LRFN3: variants seen among roughly 807,000 people sequenced by gnomAD.
LRFN3 encodes the protein leucine rich repeat and fibronectin type III domain containing 3.
LRFN3 carries 8 observed loss-of-function variants against 23.8 expected under a neutral mutation model. The ratio of observed to expected loss-of-function variants is 0.34; its 90% CI spans 0.20 to 0.61. LRFN3 has a LOEUF of 0.61. Ranked by LOEUF, LRFN3 falls within the 20% of genes least tolerant of loss-of-function variation. The probability of loss-of-function intolerance (pLI) is 0.80; values close to 1 mark genes in which losing one functional copy is unlikely to be tolerated. For missense variants in LRFN3, 736 were observed against 935.3 expected, an observed-to-expected ratio of 0.79 and a Z score of 2.78; for synonymous variants, 451 against 450.6, an observed-to-expected ratio of 1.00 and a Z score of -0.01.
At position 35,936,865 on chromosome 19, in the gene LRFN3, G is replaced by A. The variant is rs1976063661; in HGVS notation, c.-707G>A. 6.6e-6 allele frequency: 1 copy of A among 152,118 alleles called. No homozygotes were observed. The highest frequency in any genetic ancestry group is 1.5e-5 in the Non-Finnish European group (1 of 68,048). The allele number at this position is 152,118 out of a possible 1,614,324, so 9.4% of individuals were successfully genotyped here. The stretch of plus-strand genomic sequence containing the variant: ...GCCTGAACCCCAGTATATGGGGCTG[G>A]AATCTCAACATCGGTCACTGGGACC... On this transcript the variant is annotated 5_prime_UTR_variant, in exon 1 of 3. Coordinates refer to ENST00000246529, the MANE Select transcript of LRFN3 (RefSeq NM_024509.2).
chr19:35,942,103 C>T (rs1486658166), intron 2 of LRFN3, among the ~76,000 whole-genome samples: 1 of 151,150 alleles, frequency 6.6e-6, no homozygotes, highest in Non-Finnish European at 1.5e-5. Flanking sequence ...AGGATGGTCT[C>T]GATCTCCTGA....
rs899129865 is a variant in LRFN3 at position 35,944,054 on chromosome 19, G to A, written c.1416-494G>A. Among the ~76,000 whole-genome samples the A allele has an allele frequency of 6.6e-6, 1 of 152,174 alleles. No individual in the cohort carries two copies. The highest frequency in any genetic ancestry group is 2.4e-5 in the African/African-American group (1 of 41,420). On this transcript the variant is annotated intron_variant, in intron 2 of 2. Transcript: ENST00000246529. This position sits in a 1 kb window ranked among gnomAD's most constrained non-coding sequence, Gnocchi z 4.5. ...AAAATTTAAAAATTAGCTGGGCATG[G>A]TAGTGCACACCTGTAGTTCCTGCTA...
In LRFN3 at chr19:35,944,745, C is replaced by G. The variant is rs376643067; in HGVS notation, c.1613C>G (p.Thr538Arg). Residue 538 changes from threonine (T) to arginine (R), a missense_variant, in exon 3 of 3, where the codon ACG becomes AGG. Around this residue, in one of 2 missense-constraint regions of LRFN3, gnomAD observed 290 missense variants for 287.4 expected, o/e 1.01. Transcript: ENST00000246529. This position sits in a 1 kb window ranked among gnomAD's most constrained non-coding sequence, Gnocchi z 4.5. The part of the protein sequence containing the change: ...GAPHAPFLGG[T>R]MIIALGGVIV... ...CCGCACGCTCCCTTCCTGGGCGGCA[C>G]GATGATCATCGCGCTGGGCGGCGTC... The G allele has an allele frequency of 6.3e-5, 102 of 1,608,022 alleles. No individual in the cohort carries two copies. Among genetic ancestry groups the G allele is most frequent in the Non-Finnish European group, 8.2e-5 (96 of 1,177,640 alleles).
At position 35,944,457 on chromosome 19, in the gene LRFN3, G is replaced by A; in HGVS notation, c.1416-91G>A. 1.3e-6 allele frequency: 1 copy of A among 789,708 alleles called. No individual in the cohort carries two copies. Among genetic ancestry groups the A allele is most frequent in the Non-Finnish European group, 1.8e-6 (1 of 541,182 alleles). 48.9% of individuals were successfully genotyped at this position (789,708 alleles called of 1,614,324 possible). A position where few individuals can be genotyped will look rare whatever the true frequency, so the allele number is the denominator to read the frequency against. The stretch of plus-strand genomic sequence containing the variant: ...AATGAAATGAAGGAGTGGACTGGTG[G>A]GAAGTCTAGCCCCGCAGGGAGTTTG... On this transcript the variant is annotated intron_variant, in intron 2 of 2. Transcript: ENST00000246529. This position sits in a 1 kb window ranked among gnomAD's most constrained non-coding sequence, Gnocchi z 4.5.
rs1160580919 is a variant in LRFN3, at chr19:35,936,465, C to G, written c.-1107C>G. On this transcript the variant is annotated 5_prime_UTR_variant, in exon 1 of 3. Coordinates refer to ENST00000246529, the MANE Select transcript of LRFN3 (RefSeq NM_024509.2). Reference sequence around the variant, plus strand: ...CGCCCAGCCCGGCCCCCGCCCGGCCCCCGCCTCGGCCCCGGCGGGGGAGGG... The same window carrying G: ...CGCCCAGCCCGGCCCCCGCCCGGCCGCCGCCTCGGCCCCGGCGGGGGAGGG... The G allele has an allele frequency of 5.3e-5, 8 of 150,636 alleles. No individual in the cohort carries two copies. The highest frequency in any genetic ancestry group is 1.2e-4 in the Non-Finnish European group (8 of 67,452). The allele number at this position is 150,636 out of a possible 1,614,324, so 9.3% of individuals were successfully genotyped here. A position where few individuals can be genotyped will look rare whatever the true frequency, so the allele number is the denominator to read the frequency against.
At chr19:35,942,171 C>A (rs976866371) in intron 2 of LRFN3, among the ~76,000 whole-genome samples, 6 of 152,196 alleles carry the variant, frequency 3.9e-5, no homozygotes, top group Non-Finnish European at 8.8e-5. Context: ...CCTGAGCCAC[C>A]GCGCCCGACA....
intron 1 of LRFN3, among the ~76,000 whole-genome samples, 154 bp downstream of exon 1, chr19:35,937,709 C>A (rs963728658): frequency 2.0e-5 from 3 of 152,226 alleles, no homozygotes; most frequent in Non-Finnish European, 2.9e-5. Flanking sequence ...CTGCTCCAAA[C>A]ACTCTCTGGA....
chr19:35,945,101 A>T lies in LRFN3; in HGVS notation c.*82A>T. Reference sequence around the variant, plus strand: ...CCCTGTGGGACCTGGCCTCAAACTCACCAAATCGCTCATGGTTTTTAAAAC... The same window carrying T: ...CCCTGTGGGACCTGGCCTCAAACTCTCCAAATCGCTCATGGTTTTTAAAAC... On this transcript the variant is annotated 3_prime_UTR_variant, in exon 3 of 3. Transcript: ENST00000246529. The T allele has an allele frequency of 1.3e-6, 1 of 786,968 alleles. No homozygotes were observed. Among genetic ancestry groups the T allele is most frequent in the Non-Finnish European group, 1.8e-6 (1 of 548,696 alleles). The allele number at this position is 786,968 out of a possible 1,614,324, so 48.7% of individuals were successfully genotyped here.
chr19:35,945,027 C>T lies in LRFN3; in HGVS notation c.*8C>T. ...GAACCTGTGGGACCCTAGCCAGGCGCCCCCCCCTCTAAGGGTCCTCTGGCC... is the reference window on the plus strand; with the variant it reads ...GAACCTGTGGGACCCTAGCCAGGCGTCCCCCCCTCTAAGGGTCCTCTGGCC... On this transcript the variant is annotated 3_prime_UTR_variant, in exon 3 of 3. Coordinates refer to ENST00000246529, the MANE Select transcript of LRFN3 (RefSeq NM_024509.2). 7.7e-7 allele frequency: 1 copy of T among 1,295,944 alleles called. No individual in the cohort carries two copies. Among genetic ancestry groups the T allele is most frequent in the South Asian group, 1.7e-5 (1 of 57,242 alleles). The allele number at this position is 1,295,944 out of a possible 1,614,324, so 80.3% of individuals were successfully genotyped here. A position where few individuals can be genotyped will look rare whatever the true frequency, so the allele number is the denominator to read the frequency against.
At position 35,945,360 on chromosome 19, in the gene LRFN3, G is replaced by C. The variant is rs989197491; in HGVS notation, c.*341G>C. ...CATTCAGACAATAGATGTTCCCTGC[G>C]TGTCGGCTCTGAGCATGCCCTGGGT... On this transcript the variant is annotated 3_prime_UTR_variant, in exon 3 of 3. Coordinates refer to ENST00000246529, the MANE Select transcript of LRFN3 (RefSeq NM_024509.2). 8.5e-5 allele frequency: 19 copies of C among 223,284 alleles called. No individual in the cohort carries two copies. The highest frequency in any genetic ancestry group is 8.1e-4 in the East Asian group (8 of 9,864). The allele number at this position is 223,284 out of a possible 1,614,324, so 13.8% of individuals were successfully genotyped here. A position where few individuals can be genotyped will look rare whatever the true frequency, so the allele number is the denominator to read the frequency against.
intron 1 of LRFN3, among the ~76,000 whole-genome samples, chr19:35,938,335 C>A (rs575571660): frequency 6.6e-6 from 1 of 152,070 alleles, no homozygotes; most frequent in African/African-American, 2.4e-5. Flanking sequence ...CCTCTTCTCT[C>A]TCTCTCACTC....
In LRFN3 at chr19:35,939,600, C is replaced by T. The variant is rs752779379; in HGVS notation, c.175C>T (p.Arg59Cys). 8 of 1,608,970 alleles carry T rather than the reference C, an allele frequency of 5.0e-6. No homozygotes were observed. The highest frequency in any genetic ancestry group is 2.7e-5 in the African/African-American group (2 of 75,038). ...CCTGTTCGTGCCACCCTCGCTGGAC[C>T]GCCGGGCAGCCGAGCTGCGGCTGGC... The part of the protein sequence containing the change: ...GLLFVPPSLD[R>C]RAAELRLADN... The change falls in exon 2 of 3, where the codon CGC becomes TGC. Residue 59 changes from arginine to cysteine, a missense_variant. Physicochemically the swap from Arg to Cys is radical, Grantham distance 180. Around this residue, in one of 2 missense-constraint regions of LRFN3, gnomAD observed 446 missense variants for 647.9 expected, o/e 0.69. Coordinates refer to ENST00000246529, the MANE Select transcript of LRFN3 (RefSeq NM_024509.2). The surrounding 1 kb of genome is among the most constrained non-coding windows in gnomAD (Gnocchi z 6.4).
chr19:35,939,131 T>A lies in LRFN3; in HGVS notation c.-16-279T>A, dbSNP rs1976087280. 6.6e-6 allele frequency among the ~76,000 whole-genome samples: 1 copy of A among 152,162 alleles called. No homozygotes were observed. Among genetic ancestry groups the A allele is most frequent in the African/African-American group, 2.4e-5 (1 of 41,432 alleles). ...GGCGCCACCATGCCTAGCTAATTTTTAAAAATTTTTGTATAATAGATACAC... is the reference window on the plus strand; with the variant it reads ...GGCGCCACCATGCCTAGCTAATTTTAAAAAATTTTTGTATAATAGATACAC... On this transcript the variant is annotated intron_variant, in intron 1 of 2. Coordinates refer to ENST00000246529, the MANE Select transcript of LRFN3 (RefSeq NM_024509.2). This position sits in a 1 kb window ranked among gnomAD's most constrained non-coding sequence, Gnocchi z 6.4.
chr19:35,943,178 A>G (rs952020367), intron 2 of LRFN3, among the ~76,000 whole-genome samples: 5 of 152,180 alleles, frequency 3.3e-5, no homozygotes, highest in African/African-American at 9.7e-5. Context: ...AAAACAGGTG[A>G]TAAGTCAACT....
Position 35,944,974 on chromosome 19 carries a change from G to A in LRFN3, c.1842G>A (p.Leu614=). The A allele has an allele frequency of 7.1e-7, 1 of 1,417,860 alleles. No individual in the cohort carries two copies. The highest frequency in any genetic ancestry group is 9.1e-7 in the Non-Finnish European group (1 of 1,097,912). 87.8% of individuals were successfully genotyped at this position (1,417,860 alleles called of 1,614,324 possible). Residue 614 remains leucine, a synonymous_variant, in exon 3 of 3, where the codon CTG becomes CTA. Transcript: ENST00000246529. This position sits in a 1 kb window ranked among gnomAD's most constrained non-coding sequence, Gnocchi z 4.5. ...AALRAHTVVQ[L]DCEPWGPGHE... is the part of the protein sequence containing the mutation. ...TCAGGGCCCACACCGTGGTCCAGCT[G>A]GACTGCGAGCCCTGGGGGCCCGGCC...
At position 35,939,296 on chromosome 19, in the gene LRFN3, C is replaced by G; in HGVS notation, c.-16-114C>G. The G allele has an allele frequency of 1.7e-6, 2 of 1,165,260 alleles. No individual in the cohort carries two copies. The highest frequency in any genetic ancestry group is 2.4e-6 in the Non-Finnish European group (2 of 841,316). The allele number at this position is 1,165,260 out of a possible 1,614,324, so 72.2% of individuals were successfully genotyped here. A position where few individuals can be genotyped will look rare whatever the true frequency, so the allele number is the denominator to read the frequency against. On this transcript the variant is annotated intron_variant, in intron 1 of 2. Transcript: ENST00000246529. The surrounding 1 kb of genome is among the most constrained non-coding windows in gnomAD (Gnocchi z 6.4). ...CTGGCTTTTGGTCACATCTGACGGT[C>G]TTTGACCAGCCCTTCTGCCCTCAGC...
Position 35,944,991 on chromosome 19 carries a change from G to T in LRFN3, c.1859G>T (p.Gly620Val), listed in dbSNP as rs1262356116. The T allele has an allele frequency of 7.2e-7, 1 of 1,397,360 alleles. No individual in the cohort carries two copies. Among genetic ancestry groups the T allele is most frequent in the South Asian group, 1.6e-5 (1 of 62,112 alleles). 86.6% of individuals were successfully genotyped at this position (1,397,360 alleles called of 1,614,324 possible). A position where few individuals can be genotyped will look rare whatever the true frequency, so the allele number is the denominator to read the frequency against. Reference protein sequence around the residue: ...TVVQLDCEPWGPGHEPVGP With the variant: ...TVVQLDCEPWVPGHEPVGP ...GTCCAGCTGGACTGCGAGCCCTGGG[G>T]GCCCGGCCACGAACCTGTGGGACCC... Residue 620 changes from glycine to valine, a missense_variant, in exon 3 of 3, where the codon GGG (glycine) becomes GTG (valine). Gly to Val is a moderately radical substitution (Grantham distance 109, BLOSUM62 -3). Coordinates refer to ENST00000246529, the MANE Select transcript of LRFN3 (RefSeq NM_024509.2). This position sits in a 1 kb window ranked among gnomAD's most constrained non-coding sequence, Gnocchi z 4.5.
chr19:35,940,271 C>T lies in LRFN3; in HGVS notation c.846C>T (p.Tyr282=). ...CASPPALGGR[Y]FWAVGEEEFV... is the part of the protein sequence containing the mutation. Reference sequence around the variant, plus strand: ...CCCCACCTGCTCTGGGCGGCCGCTACTTCTGGGCGGTGGGCGAGGAGGAGT... The same window carrying T: ...CCCCACCTGCTCTGGGCGGCCGCTATTTCTGGGCGGTGGGCGAGGAGGAGT... The change falls in exon 2 of 3, where the codon TAC becomes TAT. Residue 282 remains tyrosine (Y), a synonymous_variant. Transcript: ENST00000246529. 2 of 1,602,652 alleles carry T rather than the reference C, an allele frequency of 1.2e-6. No individual in the cohort carries two copies. Among genetic ancestry groups the T allele is most frequent in the Non-Finnish European group, 1.7e-6 (2 of 1,177,204 alleles).
Position 35,944,436 on chromosome 19 carries a change from A to T in LRFN3, c.1416-112A>T. The T allele has an allele frequency of 1.5e-6, 1 of 654,248 alleles. No homozygotes were observed. The highest frequency in any genetic ancestry group is 2.8e-5 in the South Asian group (1 of 36,062). 40.5% of individuals were successfully genotyped at this position (654,248 alleles called of 1,614,324 possible). ...GAGAGGGAGCTCATTGGGTAGAATG[A>T]AATGAAGGAGTGGACTGGTGGGAAG... On this transcript the variant is annotated intron_variant, in intron 2 of 2. Coordinates refer to ENST00000246529, the MANE Select transcript of LRFN3 (RefSeq NM_024509.2). This position sits in a 1 kb window ranked among gnomAD's most constrained non-coding sequence, Gnocchi z 4.5.
Sources: gnomAD v4.1 joint callset for allele counts (sites outside exome capture counted in the v4.1 genomes callset) on GRCh38, gnomAD v4.1.1 for gene constraint, gnomAD v4.1.1 regional missense constraint, Gnocchi (gnomAD v3.1) non-coding constraint, MANE v1.5 for transcripts, NCBI Gene and HGNC (gene_info 2026-07-23, HGNC 2026-07-21) for gene names.